PAPPA: variants seen among roughly 807,000 people sequenced by gnomAD.
PAPPA encodes pappalysin-1.
In PAPPA, 60 loss-of-function variants were observed where a neutral mutation model predicts 164.0. The ratio of observed to expected loss-of-function variants is 0.37; its 90% confidence interval spans 0.30 to 0.45. PAPPA has a LOEUF of 0.45. PAPPA is among the 20% of genes least tolerant of loss of function. The probability of loss-of-function intolerance (pLI) is 1.00; values close to 1 mark genes in which losing one functional copy is unlikely to be tolerated. For missense variants in PAPPA, 1,782 were observed against 2,087.3 expected, an observed-to-expected ratio of 0.85 and a Z score of 2.85; for synonymous variants, 875 against 814.1, an observed-to-expected ratio of 1.07 and a Z score of -1.27.
intron 1 of PAPPA, among the ~76,000 whole-genome samples, chr9:116,155,863 C>G (rs1016547622): frequency 2.6e-5 from 4 of 152,114 alleles, no homozygotes; most frequent in African/African-American, 9.7e-5. Flanking sequence ...GTGATTCCCC[C>G]CAACAACCCA....
At position 116,201,948 on chromosome 9, in the gene PAPPA, G is replaced by A. The variant is rs889394739; in HGVS notation, c.1479-5508G>A. On this transcript the variant is annotated intron_variant, in intron 2 of 21. Transcript: ENST00000328252. ...ATGGCCAGTACCATCTCTGTGACCA[G>A]CCGCACCCATCAAGAGCCCAGGAAG... is the stretch of plus-strand genomic sequence containing the variant. Among the ~76,000 whole-genome samples, 136 of 152,272 alleles carry A rather than the reference G, an allele frequency of 8.9e-4. 1 individual carries two copies. Among genetic ancestry groups the A allele is most frequent in the African/African-American group, 3.2e-3 (133 of 41,556 alleles).
chr9:116,176,548 G>C (rs949040751), intron 1 of PAPPA, among the ~76,000 whole-genome samples: 2 of 152,110 alleles, frequency 1.3e-5, no homozygotes, highest in Non-Finnish European at 2.9e-5. Flanking sequence ...ATTATGACTT[G>C]CTCTAATCTC....
At chr9:116,300,374 C>T (rs1365364306) in intron 9 of PAPPA, among the ~76,000 whole-genome samples, 1 of 152,036 alleles carries the variant, frequency 6.6e-6, no homozygotes, top group Non-Finnish European at 1.5e-5. Context: ...ACCTACTGGG[C>T]TCAATAAATC....
chr9:116,352,106 T>G (rs1251738911), intron 15 of PAPPA, among the ~76,000 whole-genome samples: 1 of 152,214 alleles, frequency 6.6e-6, no homozygotes, highest in Non-Finnish European at 1.5e-5. Context: ...ACGGGGGAAG[T>G]GCTGCTCTTT....
chr9:116,155,198 G>A (rs918398310), intron 1 of PAPPA, among the ~76,000 whole-genome samples: 3 of 152,106 alleles, frequency 2.0e-5, no homozygotes, highest in African/African-American at 4.8e-5. Context: ...GTCACTCGGG[G>A]CTGGGACGAG....
At chr9:116,383,228 C>A (rs1352539676) in intron 21 of PAPPA, among the ~76,000 whole-genome samples, 2 of 152,180 alleles carry the variant, frequency 1.3e-5, no homozygotes, top group African/African-American at 4.8e-5. Context: ...GAGCCCCAGC[C>A]AAGGGTTGGG....
At chr9:116,244,012 A>G (rs1390099635) in intron 7 of PAPPA, among the ~76,000 whole-genome samples, 3 of 152,180 alleles carry the variant, frequency 2.0e-5, no homozygotes, top group Non-Finnish European at 2.9e-5. Context: ...CATAGTCAGC[A>G]CAATCTCACT....
chr9:116,400,526 G>A lies in PAPPA; in HGVS notation c.*3910G>A, dbSNP rs1036132634. On this transcript the variant is annotated 3_prime_UTR_variant, in exon 22 of 22. Transcript: ENST00000328252. ...CATATTGTGTCGTTGTGCTTTTCAC[G>A]TTATAAAATGTTTATATTTACCAGT... 2.6e-5 allele frequency: 4 copies of A among 152,034 alleles called. No homozygotes were observed. The highest frequency in any genetic ancestry group is 4.8e-5 in the African/African-American group (2 of 41,406). The allele number at this position is 152,034 out of a possible 1,614,324, so 9.4% of individuals were successfully genotyped here. A position where few individuals can be genotyped will look rare whatever the true frequency, so the allele number is the denominator to read the frequency against.
chr9:116,153,960 C>A lies in PAPPA; in HGVS notation c.-213C>A. The A allele has an allele frequency of 2.5e-6, 1 of 398,790 alleles. No homozygotes were observed. The highest frequency in any genetic ancestry group is 3.7e-6 in the Non-Finnish European group (1 of 270,744). 24.7% of individuals were successfully genotyped at this position (398,790 alleles called of 1,614,324 possible). ...GCGGGGAGAGAAATTAATTGCCAAC[C>A]AGGAGGAGTTGGGCTGTATTTTTCA... On this transcript the variant is annotated 5_prime_UTR_variant, in exon 1 of 22. Transcript: ENST00000328252.
At chr9:116,315,140 T>C (rs909254806) in intron 10 of PAPPA, among the ~76,000 whole-genome samples, 1 of 152,222 alleles carries the variant, frequency 6.6e-6, no homozygotes, top group African/African-American at 2.4e-5. Flanking sequence ...GATTCCCTTA[T>C]GTTTCCGGAT....
chr9:116,373,127 G>A (rs571456914), intron 19 of PAPPA: 1 of 152,320 alleles, frequency 6.6e-6, no homozygotes, highest in South Asian at 2.1e-4. Context: ...TGACTGTTAA[G>A]TCCAGTCTAA....
At chr9:116,250,213 A>G (rs140455740) in intron 7 of PAPPA, among the ~76,000 whole-genome samples, 13 of 152,228 alleles carry the variant, frequency 8.5e-5, no homozygotes, top group African/African-American at 3.1e-4. Context: ...TTTGTTTTCT[A>G]CCCAGGATTA....
At chr9:116,165,353 A>C (rs1843709228) in intron 1 of PAPPA, among the ~76,000 whole-genome samples, 1 of 152,094 alleles carries the variant, frequency 6.6e-6, no homozygotes, top group African/African-American at 2.4e-5. Context: ...CTTCCGAAAC[A>C]ATCATCTTTC....
chr9:116,196,957 T>C (rs914580473), intron 2 of PAPPA, among the ~76,000 whole-genome samples: 2 of 152,200 alleles, frequency 1.3e-5, no homozygotes, highest in Admixed American at 1.3e-4. Flanking sequence ...ATGATGATTA[T>C]AACTCCACAA....
intron 9 of PAPPA, among the ~76,000 whole-genome samples, chr9:116,273,112 G>A (rs1275375646): frequency 6.6e-6 from 1 of 152,172 alleles, no homozygotes; most frequent in Non-Finnish European, 1.5e-5. Context: ...TTGCACTAAT[G>A]TGGCATGTAA....
At chr9:116,386,335 A>G (rs1846811740) in intron 21 of PAPPA, among the ~76,000 whole-genome samples, 1 of 152,150 alleles carries the variant, frequency 6.6e-6, no homozygotes, top group African/African-American at 2.4e-5. Context: ...GACACCCCCA[A>G]CTACTCCCTG....
intron 1 of PAPPA, among the ~76,000 whole-genome samples, chr9:116,156,334 G>GTATATA (rs374567663): frequency 0.26 from 36,169 of 139,116 alleles, 5,801 homozygotes; most frequent in Non-Finnish European, 0.36. Flanking sequence ...ATATATATGT[G>GTATATA]TATATATATA....
At chr9:116,385,267 AAATAAATAAATAAAT>A (rs1481741016) in intron 21 of PAPPA, among the ~76,000 whole-genome samples, 31 of 148,040 alleles carry the variant, frequency 2.1e-4, no homozygotes, top group African/African-American at 7.6e-4. Flanking sequence ...ATAAATAAAT[AAATAAATAAATAAAT>A]AATAATTTGG....
chr9:116,237,225 A>G (rs1844679095), intron 7 of PAPPA, among the ~76,000 whole-genome samples: 1 of 152,238 alleles, frequency 6.6e-6, no homozygotes, highest in African/African-American at 2.4e-5. Context: ...ACTCTTGCTA[A>G]TTCATTGAAT....
Sources: gnomAD v4.1 joint callset for allele counts (sites outside exome capture counted in the v4.1 genomes callset) on GRCh38, gnomAD v4.1.1 for gene constraint, MANE v1.5 for transcripts, NCBI Gene and HGNC (gene_info 2026-07-23, HGNC 2026-07-21) for gene names.